CLVS1: variants seen among roughly 807,000 people sequenced by gnomAD.
CLVS1 encodes the protein clavesin 1.
A neutral mutation model predicts 33.1 loss-of-function variants in CLVS1; 10 were observed. That is an observed-to-expected ratio of 0.30 (90% confidence interval 0.19 to 0.51). The LOEUF (loss-of-function observed/expected upper bound fraction) is 0.51, where lower values mean the gene tolerates loss of function less well. Ranked by LOEUF, CLVS1 falls within the 20% of genes least tolerant of loss-of-function variation. The probability of loss-of-function intolerance (pLI) is 0.97; values close to 1 mark genes in which losing one functional copy is unlikely to be tolerated. For synonymous variants in CLVS1, 163 were observed against 166.1 expected, an observed-to-expected ratio of 0.98 and a Z score of 0.14; for missense variants, 343 against 433.4, an observed-to-expected ratio of 0.79 and a Z score of 1.85.
At position 61,123,039 on chromosome 8, in the gene CLVS1, G is replaced by T. The variant is rs1432449122; in HGVS notation, c.-242-8731G>T. 1.4e-5 allele frequency among the ~76,000 whole-genome samples: 2 copies of T among 143,822 alleles called. 1 individual carries two copies. The highest frequency in any genetic ancestry group is 3.1e-5 in the Non-Finnish European group (2 of 65,256). The allele number at this position is 143,822 out of a possible 152,430, so 94.4% of individuals were successfully genotyped here. On this transcript the variant is annotated intron_variant, in intron 1 of 2. Transcript: ENST00000522621. ...AATCCCAGCACTTTGGGAGGCCAAGGCAGGTGGATCACCTGAGGTCGGGAG... is the reference window on the plus strand; with the variant it reads ...AATCCCAGCACTTTGGGAGGCCAAGTCAGGTGGATCACCTGAGGTCGGGAG...
chr8:61,327,371 T>C (rs1811423594), intron 2 of CLVS1, among the ~76,000 whole-genome samples: 1 of 152,208 alleles, frequency 6.6e-6, no homozygotes. Flanking sequence ...TTGATATTTT[T>C]ACTTATTATG....
chr8:61,407,041 T>C lies in CLVS1; in HGVS notation c.630+30262T>C, dbSNP rs149346803. Among the ~76,000 whole-genome samples, 1,415 of 152,338 alleles carry C rather than the reference T, an allele frequency of 9.3e-3. 10 individuals carry two copies. Among genetic ancestry groups the C allele is most frequent in the Middle Eastern group, 0.034 (10 of 294 alleles). On this transcript the variant is annotated intron_variant, in intron 3 of 5. Coordinates refer to ENST00000325897, the MANE Select transcript of CLVS1 (RefSeq NM_173519.3). Reference sequence around the variant, plus strand: ...GTGATCATTTTAATAGGATAAGATTTATCTTAGACACAGATCAAAGGGATT... The same window carrying C: ...GTGATCATTTTAATAGGATAAGATTCATCTTAGACACAGATCAAAGGGATT...
intron 2 of CLVS1, among the ~76,000 whole-genome samples, chr8:61,132,350 T>C (rs1476174564): frequency 6.6e-6 from 1 of 152,154 alleles, no homozygotes; most frequent in African/African-American, 2.4e-5. Context: ...ACAGGAGCTG[T>C]GCATGCCAGG....
the CLVS1 span, among the ~76,000 whole-genome samples, chr8:61,031,799 G>A: frequency 1.3e-5 from 2 of 152,166 alleles, no homozygotes; most frequent in Non-Finnish European, 2.9e-5. Context: ...TGGGGTTTCA[G>A]GAGCAGCAAA....
At chr8:61,029,711 C>G in the CLVS1 span, among the ~76,000 whole-genome samples, 2 of 151,940 alleles carry the variant, frequency 1.3e-5, no homozygotes, top group Admixed American at 6.5e-5. Flanking sequence ...AACCCAAGGT[C>G]TACGTTAGGT....
intron 2 of CLVS1, among the ~76,000 whole-genome samples, chr8:61,200,918 A>C (rs1807717062): frequency 6.6e-6 from 1 of 152,238 alleles, no homozygotes; most frequent in Non-Finnish European, 1.5e-5. Flanking sequence ...ATTGTAATTT[A>C]ACATTTGGCC....
At chr8:61,462,147 T>G (rs1364491492) in intron 5 of CLVS1, among the ~76,000 whole-genome samples, 1 of 152,192 alleles carries the variant, frequency 6.6e-6, no homozygotes. Flanking sequence ...CCTATAGATG[T>G]TTGGCTATGG....
chr8:61,350,539 T>C (rs1166987064), intron 2 of CLVS1, among the ~76,000 whole-genome samples: 2 of 152,150 alleles, frequency 1.3e-5, no homozygotes, highest in Non-Finnish European at 1.5e-5. Flanking sequence ...AGTTTTACCC[T>C]GAAGATAAGG....
rs117856281 is a variant in CLVS1 at position 61,422,621 on chromosome 8, C to T, written c.631-31520C>T. Among the ~76,000 whole-genome samples the T allele has an allele frequency of 3.1e-3, 478 of 152,202 alleles. 2 individuals carry two copies. Among genetic ancestry groups the T allele is most frequent in the South Asian group, 4.6e-3 (22 of 4,822 alleles). On this transcript the variant is annotated intron_variant, in intron 3 of 5. Transcript: ENST00000325897. Reference sequence around the variant, plus strand: ...TAGCTTTCCACCTGAAAACACAAACCGTAGAAGTTCCAGTGAGGAACCATA... The same window carrying T: ...TAGCTTTCCACCTGAAAACACAAACTGTAGAAGTTCCAGTGAGGAACCATA...
the CLVS1 span, among the ~76,000 whole-genome samples, chr8:60,981,971 G>C: frequency 6.6e-6 from 1 of 152,228 alleles, no homozygotes; most frequent in South Asian, 2.1e-4. Flanking sequence ...TCATTTAGAA[G>C]TTATCATTTT....
intron 2 of CLVS1, among the ~76,000 whole-genome samples, chr8:61,261,433 T>C (rs147839844): frequency 6.6e-6 from 1 of 152,270 alleles, no homozygotes; most frequent in Non-Finnish European, 1.5e-5. Flanking sequence ...CTGTTAGACA[T>C]TGCCATTTGC....
intron 2 of CLVS1, among the ~76,000 whole-genome samples, chr8:61,330,850 G>C (rs1025854858): frequency 6.6e-6 from 1 of 151,980 alleles, no homozygotes; most frequent in Non-Finnish European, 1.5e-5. Flanking sequence ...AGCACTGTGG[G>C]GGGCTAAGCC....
Position 61,312,887 on chromosome 8 carries a change from C to A in CLVS1, c.455+12605C>A, listed in dbSNP as rs142202401. On this transcript the variant is annotated intron_variant, in intron 2 of 5. Coordinates refer to ENST00000325897, the MANE Select transcript of CLVS1 (RefSeq NM_173519.3). ...ATCTCTGATGACTCACAATTTGTTG[C>A]AAAGTTCTTACTAAAGAATCTTCAT... Among the ~76,000 whole-genome samples the A allele has an allele frequency of 1.2e-3, 180 of 152,316 alleles. 2 individuals are homozygous for A. The highest frequency in any genetic ancestry group is 3.3e-3 in the Admixed American group (50 of 15,298).
intron 1 of CLVS1, among the ~76,000 whole-genome samples, chr8:61,105,744 GGGTA>G (rs1383894617): frequency 6.6e-6 from 1 of 151,638 alleles, no homozygotes; most frequent in Non-Finnish European, 1.5e-5. Flanking sequence ...AATCATGTTA[GGGTA>G]GGAGGTCTCT....
the CLVS1 span, among the ~76,000 whole-genome samples, chr8:60,991,744 CTTTTTT>C: frequency 8.4e-6 from 1 of 118,970 alleles, no homozygotes; most frequent in African/African-American, 3.3e-5. Context: ...AAGCCCCACT[CTTTTTT>C]TTTTTTTTTT....
chr8:61,233,405 C>T (rs1192421409), intron 2 of CLVS1, among the ~76,000 whole-genome samples: 1 of 151,726 alleles, frequency 6.6e-6, no homozygotes, highest in Non-Finnish European at 1.5e-5. Flanking sequence ...TTGTTGTCAG[C>T]CATTCTCTAT....
At chr8:61,040,349 C>G in the CLVS1 span, among the ~76,000 whole-genome samples, 1 of 152,090 alleles carries the variant, frequency 6.6e-6, no homozygotes, top group African/African-American at 2.4e-5. Context: ...GGGCATATAC[C>G]CAGTAATGGG....
intron 2 of CLVS1, among the ~76,000 whole-genome samples, chr8:61,280,848 G>A (rs1231003579): frequency 2.0e-5 from 3 of 152,046 alleles, no homozygotes; most frequent in African/African-American, 4.8e-5. Flanking sequence ...ACATGGTCTT[G>A]AACTCCTGAG....
At chr8:61,495,840 C>A (rs143836276) in intron 5 of CLVS1, among the ~76,000 whole-genome samples, 1 of 152,178 alleles carries the variant, frequency 6.6e-6, no homozygotes, top group African/African-American at 2.4e-5. Context: ...AGTCTATGGG[C>A]AACCCAGCTA....
Sources: allele counts gnomAD v4.1 joint callset (sites outside exome capture counted in the v4.1 genomes callset), GRCh38; gene constraint gnomAD v4.1.1; transcripts MANE v1.5; gene names NCBI Gene and HGNC (gene_info 2026-07-23, HGNC 2026-07-21).